GPR34: variants seen among roughly 807,000 people sequenced by gnomAD.
The protein encoded by GPR34 is G protein-coupled receptor 34.
In GPR34, 3 loss-of-function variants were observed where a neutral mutation model predicts 14.1. The observed-to-expected ratio is 0.21, with a 90% CI of 0.10 to 0.55. The LOEUF is 0.55. Among genes scored for constraint, GPR34 ranks in the 20% least tolerant of loss-of-function variants. The probability of loss-of-function intolerance (pLI) is 0.94; values close to 1 mark genes in which losing one functional copy is unlikely to be tolerated. For synonymous variants in GPR34, 99 were observed against 99.9 expected, an observed-to-expected ratio of 0.99 and a Z score of 0.05; for missense variants, 213 against 292.8, an observed-to-expected ratio of 0.73 and a Z score of 1.99.
Position 41,695,683 on chromosome X carries a change from C to G in GPR34, c.50C>G (p.Pro17Arg), listed in dbSNP as rs753492240. Residue 17 changes from proline (P) to arginine (R), a missense_variant, in exon 3 of 3, where the codon CCT becomes CGT. Pro to Arg is a moderately radical substitution (Grantham distance 103, BLOSUM62 -2). Coordinates refer to ENST00000378142, the MANE Select transcript of GPR34 (RefSeq NM_001097579.2). ...ACGACAACTTCAGTCAGCAGCTGGC[C>G]TTACTCCTCCCACAGAATGCGCTTT... ...TMTTTSVSSW[P>R]YSSHRMRFIT... 2.5e-6 allele frequency: 3 copies of G among 1,204,892 alleles called. No homozygotes were observed. The highest frequency in any genetic ancestry group is 2.2e-5 in the Admixed American group (1 of 45,895).
chrX:41,690,513 AT>A (rs775363462), intron 2 of GPR34, among the ~76,000 whole-genome samples: 1,725 of 91,497 alleles, frequency 0.019, 33 homozygotes, highest in East Asian at 0.053. Flanking sequence ...CGCCCTGCTA[AT>A]TTTTTTTTTT....
At chrX:41,689,964 T>G (rs1438531601) in intron 2 of GPR34, 129 bp downstream of exon 2, 8 of 111,690 alleles carry the variant, frequency 7.2e-5, no homozygotes, top group African/African-American at 2.3e-4. Context: ...TACTCCTACA[T>G]GAGCCAGTTG....
rs775613976 is a variant in GPR34, at chrX:41,696,482, T to C, written c.849T>C (p.His283=). The C allele has an allele frequency of 1.1e-5, 13 of 1,205,812 alleles. No individual in the cohort carries two copies. The African/African-American group carries it at 1.2e-4, about 11-fold the overall frequency. The part of the protein sequence containing the change: ...IIFTICFVPY[H]AFRFIYISSQ... ...TTACTATATGTTTTGTTCCCTATCATGCCTTTCGATTCATCTACATTTCTT... is the reference window on the plus strand; with the variant it reads ...TTACTATATGTTTTGTTCCCTATCACGCCTTTCGATTCATCTACATTTCTT... Residue 283 remains histidine, a synonymous_variant, in exon 3 of 3, where the codon CAT becomes CAC. Transcript: ENST00000378142.
At chrX:41,692,989 T>C (rs934169344) in intron 2 of GPR34, among the ~76,000 whole-genome samples, 3 of 112,195 alleles carry the variant, frequency 2.7e-5, no homozygotes, top group African/African-American at 9.7e-5. Flanking sequence ...ATAATATTTA[T>C]TATGCTAAGC....
rs1387054878 is a variant in GPR34, at chrX:41,696,011, G to A, written c.378G>A (p.Leu126=). Residue 126 remains leucine (L), a synonymous_variant, in exon 3 of 3, where the codon CTG becomes CTA. Transcript: ENST00000378142. The part of the protein sequence containing the change: ...NQNKWTLGVI[L]CKVVGTLFYM... Reference sequence around the variant, plus strand: ...ACAAGTGGACACTAGGTGTGATTCTGTGCAAGGTTGTGGGAACACTGTTTT... The same window carrying A: ...ACAAGTGGACACTAGGTGTGATTCTATGCAAGGTTGTGGGAACACTGTTTT... 5.0e-6 allele frequency: 6 copies of A among 1,210,136 alleles called. No individual in the cohort carries two copies. Among genetic ancestry groups the A allele is most frequent in the South Asian group, 3.5e-5 (2 of 56,879 alleles).
chrX:41,693,921 TAATCA>T (rs770888440), intron 2 of GPR34, among the ~76,000 whole-genome samples: 1 of 112,237 alleles, frequency 8.9e-6, no homozygotes, highest in Admixed American at 9.5e-5. Context: ...GCTTTGTTTT[TAATCA>T]AATTATGTGT....
chrX:41,690,564 T>C (rs2067531035), intron 2 of GPR34, among the ~76,000 whole-genome samples: 1 of 107,445 alleles, frequency 9.3e-6, no homozygotes, highest in South Asian at 4.2e-4. Flanking sequence ...TTTCGCTATG[T>C]TGGCCAGGCT....
At chrX:41,694,242 T>C (rs2147574676) in intron 2 of GPR34, among the ~76,000 whole-genome samples, 1 of 112,599 alleles carries the variant, frequency 8.9e-6, no homozygotes, top group Non-Finnish European at 1.9e-5. Flanking sequence ...ATGAGAAAAC[T>C]AAGGCATAGA....
chrX:41,693,791 G>A (rs2067626011), intron 2 of GPR34, among the ~76,000 whole-genome samples: 1 of 111,196 alleles, frequency 9.0e-6, no homozygotes, highest in African/African-American at 3.3e-5. Context: ...CTGAATTCTG[G>A]AAACAGGCTC....
intron 2 of GPR34, among the ~76,000 whole-genome samples, chrX:41,695,122 T>G (rs1320692714): frequency 9.0e-6 from 1 of 111,243 alleles, no homozygotes; most frequent in Non-Finnish European, 1.9e-5. Flanking sequence ...TTGAGTTATT[T>G]TAATATAATA....
At position 41,696,805 on chromosome X, in the gene GPR34, T is replaced by C. The variant is rs748408054; in HGVS notation, c.*26T>C. ...GGTAAACATACTAAAATGAATTATA[T>C]AATGCAGCCTCTTAATTCTTTGAAG... On this transcript the variant is annotated 3_prime_UTR_variant, in exon 3 of 3. Transcript: ENST00000378142. 1.0e-6 allele frequency: 1 copy of C among 957,672 alleles called. No homozygotes were observed. The highest frequency in any genetic ancestry group is 1.4e-6 in the Non-Finnish European group (1 of 711,215). 78.9% of individuals were successfully genotyped at this position (957,672 alleles called of 1,213,427 possible).
intron 2 of GPR34, among the ~76,000 whole-genome samples, 157 bp from the exon 3 acceptor site, chrX:41,695,398 C>T: frequency 9.9e-6 from 1 of 100,884 alleles, no homozygotes; most frequent in Non-Finnish European, 2.1e-5. Flanking sequence ...TCACTACAGC[C>T]TTGAACTCCT....
intron 2 of GPR34, among the ~76,000 whole-genome samples, chrX:41,695,164 C>A (rs2067657417): frequency 9.0e-6 from 1 of 111,296 alleles, no homozygotes; most frequent in African/African-American, 3.3e-5. Flanking sequence ...AGGCCATGGC[C>A]ACAGGAAAGG....
chrX:41,696,007 T>A lies in GPR34; in HGVS notation c.374T>A (p.Ile125Asn). Residue 125 changes from isoleucine (I) to asparagine (N), a missense_variant, in exon 3 of 3, where the codon ATT (isoleucine) becomes AAT (asparagine). Coordinates refer to ENST00000378142, the MANE Select transcript of GPR34 (RefSeq NM_001097579.2). ...CAAAACAAGTGGACACTAGGTGTGA[T>A]TCTGTGCAAGGTTGTGGGAACACTG... ...INQNKWTLGVILCKVVGTLFY... is the reference protein window; with the variant it reads ...INQNKWTLGVNLCKVVGTLFY... 8.3e-7 allele frequency: 1 copy of A among 1,210,590 alleles called. No individual in the cohort carries two copies. Among genetic ancestry groups the A allele is most frequent in the Non-Finnish European group, 1.1e-6 (1 of 894,239 alleles).
chrX:41,696,801 T>C lies in GPR34; in HGVS notation c.*22T>C. On this transcript the variant is annotated 3_prime_UTR_variant, in exon 3 of 3. Transcript: ENST00000378142. Reference sequence around the variant, plus strand: ...TTGAGGTAAACATACTAAAATGAATTATATAATGCAGCCTCTTAATTCTTT... The same window carrying C: ...TTGAGGTAAACATACTAAAATGAATCATATAATGCAGCCTCTTAATTCTTT... The C allele has an allele frequency of 3.0e-6, 3 of 987,312 alleles. No homozygotes were observed. The highest frequency in any genetic ancestry group is 4.1e-6 in the Non-Finnish European group (3 of 735,359). The allele number at this position is 987,312 out of a possible 1,213,427, so 81.4% of individuals were successfully genotyped here. A position where few individuals can be genotyped will look rare whatever the true frequency, so the allele number is the denominator to read the frequency against.
rs2067699194 is a variant in GPR34 at position 41,696,814 on chromosome X, C to T, written c.*35C>T. 1.1e-6 allele frequency: 1 copy of T among 909,540 alleles called. No homozygotes were observed. The highest frequency in any genetic ancestry group is 1.5e-6 in the Non-Finnish European group (1 of 679,225). The allele number at this position is 909,540 out of a possible 1,213,427, so 75.0% of individuals were successfully genotyped here. On this transcript the variant is annotated 3_prime_UTR_variant, in exon 3 of 3. Transcript: ENST00000378142. ...ACTAAAATGAATTATATAATGCAGC[C>T]TCTTAATTCTTTGAAGAACTAAAAA...
Position 41,696,278 on chromosome X carries a change from A to G in GPR34, c.645A>G (p.Gly215=). 8.4e-7 allele frequency: 1 copy of G among 1,194,473 alleles called. No individual in the cohort carries two copies. Among genetic ancestry groups the G allele is most frequent in the South Asian group, 1.9e-5 (1 of 54,049 alleles). The change falls in exon 3 of 3, where the codon GGA becomes GGG. Residue 215 remains glycine (G), a synonymous_variant. Transcript: ENST00000378142. ...FHYRDKHNAK[G]EAIFNFILVV... is the part of the protein sequence containing the mutation. ...ACAGAGATAAGCATAACGCAAAAGG[A>G]GAAGCCATTTTTAACTTCATTCTTG...
At chrX:41,690,878 G>T (rs953196696) in intron 2 of GPR34, among the ~76,000 whole-genome samples, 12 of 108,920 alleles carry the variant, frequency 1.1e-4, no homozygotes, top group Admixed American at 1.1e-3. Context: ...TCACCATCTT[G>T]CCCAGGCTGG....
Position 41,697,040 on chromosome X carries a change from CAAAATAATT to C in GPR34, c.*265_*273del. Reference sequence around the variant, plus strand: ...TAAGTGAAATTTATGGCTCTAACAGCAAAATAATTAAAGTGCCATAGTTTCTCAAGTGAC... The same window carrying C: ...TAAGTGAAATTTATGGCTCTAACAGCAAAGTGCCATAGTTTCTCAAGTGAC... On this transcript the variant is annotated 3_prime_UTR_variant, in exon 3 of 3. Transcript: ENST00000378142. The C allele has an allele frequency of 4.0e-6, 1 of 247,712 alleles. No individual in the cohort carries two copies. Among genetic ancestry groups the C allele is most frequent in the Non-Finnish European group, 7.6e-6 (1 of 132,368 alleles). 20.4% of individuals were successfully genotyped at this position (247,712 alleles called of 1,213,427 possible).
Sources: allele counts gnomAD v4.1 joint callset (sites outside exome capture counted in the v4.1 genomes callset), GRCh38; gene constraint gnomAD v4.1.1; transcripts MANE v1.5; gene names NCBI Gene and HGNC (gene_info 2026-07-23, HGNC 2026-07-21).